Variants in RGS6 observed in about 807,000 individuals in gnomAD.
The protein encoded by RGS6 is regulator of G protein signaling 6.
A neutral mutation model predicts 78.5 loss-of-function variants in RGS6; 30 were observed. The observed-to-expected ratio is 0.38, with a 90% confidence interval of 0.29 to 0.52. The LOEUF (loss-of-function observed/expected upper bound fraction) is 0.52, where lower values mean the gene tolerates loss of function less well. Ranked by LOEUF, RGS6 falls within the 20% of genes least tolerant of loss-of-function variation. The pLI, the probability that RGS6 is intolerant of heterozygous loss-of-function variation, is 0.85. For synonymous variants in RGS6, 206 were observed against 206.0 expected, an observed-to-expected ratio of 1.00 and a Z score of 0.00; for missense variants, 495 against 609.7, an observed-to-expected ratio of 0.81 and a Z score of 1.98.
chr14:71,960,100 G>A (rs1430712278), intron 1 of RGS6, among the ~76,000 whole-genome samples: 3 of 152,260 alleles, frequency 2.0e-5, no homozygotes, highest in Admixed American at 6.5e-5. Context: ...AAAGTAAACA[G>A]CAGGCATTTA....
chr14:72,292,638 T>C (rs2063812975), intron 2 of RGS6, among the ~76,000 whole-genome samples: 2 of 152,260 alleles, frequency 1.3e-5, no homozygotes, highest in African/African-American at 4.8e-5. Flanking sequence ...TGACCTGCTC[T>C]TGTTCTCCTT....
chr14:72,115,228 A>G (rs2095859687), intron 2 of RGS6, among the ~76,000 whole-genome samples: 1 of 152,176 alleles, frequency 6.6e-6, no homozygotes, highest in Admixed American at 6.5e-5. Context: ...ATTATTTTAC[A>G]GGATTTCTTC....
chr14:72,119,265 A>T (rs962707111), intron 2 of RGS6, among the ~76,000 whole-genome samples: 3 of 152,200 alleles, frequency 2.0e-5, no homozygotes, highest in Non-Finnish European at 4.4e-5. Flanking sequence ...ACAGTTGAAG[A>T]TAGCTGTGGA....
intron 2 of RGS6, among the ~76,000 whole-genome samples, chr14:72,328,212 A>G (rs897930681): frequency 3.9e-5 from 6 of 152,112 alleles, no homozygotes; most frequent in Middle Eastern, 3.2e-3. Flanking sequence ...TCTTTACTCA[A>G]TCTACTGATT....
chr14:72,207,292 G>A (rs1352735921), intron 2 of RGS6, among the ~76,000 whole-genome samples: 1 of 152,018 alleles, frequency 6.6e-6, no homozygotes, highest in Admixed American at 6.6e-5. Context: ...GCATATTTAT[G>A]TGCCAGTAGA....
chr14:72,574,277 G>A, the RGS6 span, among the ~76,000 whole-genome samples: 1 of 152,172 alleles, frequency 6.6e-6, no homozygotes, highest in Admixed American at 6.5e-5. Flanking sequence ...TGAGCCCACA[G>A]AACTTCTGCC....
At position 72,563,011 on chromosome 14, in the gene RGS6, G is replaced by T; in HGVS notation, c.*544G>T. The T allele has an allele frequency of 1.8e-6, 1 of 559,172 alleles. No individual in the cohort carries two copies. The highest frequency in any genetic ancestry group is 2.1e-5 in the South Asian group (1 of 47,006). 34.6% of individuals were successfully genotyped at this position (559,172 alleles called of 1,614,324 possible). On this transcript the variant is annotated 3_prime_UTR_variant, in exon 18 of 18. Coordinates refer to ENST00000553525, the MANE Select transcript of RGS6 (RefSeq NM_001204424.2). ...ACCCGGGTGTCACTGCCAGCACCAGGCACTGCTTTCACGTAAAATGTCCAA... is the reference window on the plus strand; with the variant it reads ...ACCCGGGTGTCACTGCCAGCACCAGTCACTGCTTTCACGTAAAATGTCCAA...
intron 16 of RGS6, chr14:72,537,833 A>G: frequency 2.9e-6 from 1 of 349,538 alleles, no homozygotes; most frequent in East Asian, 4.9e-5. Flanking sequence ...CTAGAAGAAG[A>G]GAAGCTAGAG....
At chr14:72,558,491 A>G (rs898890836) in intron 17 of RGS6, among the ~76,000 whole-genome samples, 24 of 152,314 alleles carry the variant, frequency 1.6e-4, no homozygotes, top group Non-Finnish European at 3.2e-4. Flanking sequence ...TTGTTGATTA[A>G]TATGTGGAAG....
chr14:72,186,798 G>A (rs555797019), intron 2 of RGS6, among the ~76,000 whole-genome samples: 6 of 152,102 alleles, frequency 3.9e-5, no homozygotes, highest in South Asian at 2.1e-4. Context: ...TGCTGATGCC[G>A]AATACATGTG....
intron 2 of RGS6, among the ~76,000 whole-genome samples, chr14:72,315,183 A>C (rs1230783095): frequency 6.6e-6 from 1 of 152,270 alleles, no homozygotes; most frequent in Non-Finnish European, 1.5e-5. Context: ...AAAGCCAAGA[A>C]GGAATTTCTC....
At chr14:72,529,957 C>A (rs953765273) in intron 15 of RGS6, among the ~76,000 whole-genome samples, 7 of 152,214 alleles carry the variant, frequency 4.6e-5, no homozygotes, top group South Asian at 2.1e-4. Context: ...AGTGCCCTGG[C>A]ACCTAGTAAA....
intron 16 of RGS6, among the ~76,000 whole-genome samples, chr14:72,538,524 G>C (rs2097279513): frequency 6.6e-6 from 1 of 152,214 alleles, no homozygotes. Flanking sequence ...CAAGGCAGAG[G>C]AGCCAAGTGA....
chr14:72,387,314 C>T (rs1379524005), intron 3 of RGS6, among the ~76,000 whole-genome samples: 2 of 152,056 alleles, frequency 1.3e-5, no homozygotes, highest in Non-Finnish European at 1.5e-5. Context: ...CTTTGGGAGG[C>T]CAAGGTGGGC....
chr14:72,510,619 A>G (rs1271305231), intron 14 of RGS6, among the ~76,000 whole-genome samples: 4 of 152,232 alleles, frequency 2.6e-5, no homozygotes, highest in Non-Finnish European at 5.9e-5. Context: ...GTGGAGAGGC[A>G]TCTCAGAGGC....
intron 2 of RGS6, among the ~76,000 whole-genome samples, chr14:72,217,991 G>A (rs112600209): frequency 6.6e-6 from 1 of 152,000 alleles, no homozygotes. Context: ...CTAAATACTG[G>A]CACAGTAGTC....
At chr14:72,240,362 A>T (rs1435934233) in intron 2 of RGS6, among the ~76,000 whole-genome samples, 1 of 152,170 alleles carries the variant, frequency 6.6e-6, no homozygotes, top group Non-Finnish European at 1.5e-5. Context: ...TGATGTTTAA[A>T]TGTAGCTCTG....
At chr14:72,410,291 T>C (rs1566768831) in intron 3 of RGS6, among the ~76,000 whole-genome samples, 1 of 152,226 alleles carries the variant, frequency 6.6e-6, no homozygotes. Context: ...CTCATTGTGG[T>C]TTTGATTTGC....
Position 72,310,724 on chromosome 14 carries a change from A to G in RGS6, c.85-41371A>G, listed in dbSNP as rs553312246. ...ACTGTCCACCTTCACATTTGCACAC[A>G]TCACTTACACACATGGAGCTCCTTC... On this transcript the variant is annotated intron_variant, in intron 2 of 17. Coordinates refer to ENST00000553525, the MANE Select transcript of RGS6 (RefSeq NM_001204424.2). Among the ~76,000 whole-genome samples, 12 of 152,296 alleles carry G rather than the reference A, an allele frequency of 7.9e-5. No individual in the cohort carries two copies. The East Asian group carries it at 1.9e-3, about 25-fold the overall frequency.
Sources: gnomAD v4.1 joint callset for allele counts (sites outside exome capture counted in the v4.1 genomes callset) on GRCh38, gnomAD v4.1.1 for gene constraint, MANE v1.5 for transcripts, NCBI Gene and HGNC (gene_info 2026-07-23, HGNC 2026-07-21) for gene names.